Variants in IGSF21 observed in about 807,000 individuals in gnomAD.
IGSF21 encodes the protein immunoglobulin superfamily member 21.
In IGSF21, 28 loss-of-function variants were observed where a neutral mutation model predicts 46.8. The observed-to-expected ratio is 0.60, with a 90% CI of 0.44 to 0.82. The LOEUF (loss-of-function observed/expected upper bound fraction) is 0.82. Among genes scored for constraint, IGSF21 ranks in the 40% least tolerant of loss-of-function variants. IGSF21 has a pLI of 0.00. For synonymous variants in IGSF21, 284 were observed against 273.6 expected (o/e 1.04, Z -0.38); for missense variants, 624 against 665.5 (o/e 0.94, Z 0.69).
intron 2 of IGSF21, among the ~76,000 whole-genome samples, chr1:18,265,586 T>TC (rs574154917): frequency 6.6e-6 from 1 of 152,150 alleles, no homozygotes; most frequent in Non-Finnish European, 1.5e-5. Context: ...TTAGTCTCCA[T>TC]CCTATCACGC....
At chr1:18,151,603 G>T (rs1345623615) in intron 1 of IGSF21, among the ~76,000 whole-genome samples, 5 of 152,162 alleles carry the variant, frequency 3.3e-5, no homozygotes, top group Non-Finnish European at 7.3e-5. Flanking sequence ...ACAGGCGGGG[G>T]AGAGGAGTGA....
intron 1 of IGSF21, among the ~76,000 whole-genome samples, chr1:18,211,681 G>A (rs1274859022): frequency 1.3e-5 from 2 of 152,084 alleles, no homozygotes; most frequent in Admixed American, 6.5e-5. Flanking sequence ...TCATTAAGTT[G>A]CCTCTTTTCA....
intron 1 of IGSF21, among the ~76,000 whole-genome samples, chr1:18,174,115 G>T (rs1457533525): frequency 6.6e-6 from 1 of 152,170 alleles, no homozygotes; most frequent in Admixed American, 6.5e-5. Flanking sequence ...AACCTCATGT[G>T]TTCTGTGGCT....
At chr1:18,117,258 G>T (rs1193291008) in intron 1 of IGSF21, among the ~76,000 whole-genome samples, 1 of 152,220 alleles carries the variant, frequency 6.6e-6, no homozygotes, top group African/African-American at 2.4e-5. Context: ...CTGACCCAGT[G>T]AGGAGGGAAA....
intron 4 of IGSF21, among the ~76,000 whole-genome samples, chr1:18,338,157 T>G (rs2085791361): frequency 6.6e-6 from 1 of 152,154 alleles, no homozygotes; most frequent in Admixed American, 6.5e-5. Context: ...AACAGAATGT[T>G]CTGGGCCTGA....
intron 1 of IGSF21, among the ~76,000 whole-genome samples, chr1:18,152,342 C>G (rs1322369972): frequency 6.6e-6 from 1 of 152,200 alleles, no homozygotes; most frequent in Admixed American, 6.5e-5. Flanking sequence ...TCATCGTGCC[C>G]TGCCCTGGAG....
chr1:18,223,854 G>A (rs2084535843), intron 1 of IGSF21, among the ~76,000 whole-genome samples: 1 of 152,160 alleles, frequency 6.6e-6, no homozygotes, highest in South Asian at 2.1e-4. Context: ...ACCTGTCTCT[G>A]CAGCCTGGAA....
At chr1:18,229,318 G>A (rs1310576952) in intron 2 of IGSF21, among the ~76,000 whole-genome samples, 2 of 152,190 alleles carry the variant, frequency 1.3e-5, no homozygotes, top group Non-Finnish European at 2.9e-5. Flanking sequence ...TCTACACACA[G>A]AGCATGGAAA....
At chr1:18,362,980 A>G (rs761163695) in intron 5 of IGSF21, among the ~76,000 whole-genome samples, 21 of 152,080 alleles carry the variant, frequency 1.4e-4, no homozygotes, top group Non-Finnish European at 2.6e-4. Context: ...GGGGCTGGAC[A>G]ATATTTGTTT....
intron 1 of IGSF21, among the ~76,000 whole-genome samples, chr1:18,133,397 A>T (rs917083389): frequency 6.6e-6 from 1 of 152,196 alleles, no homozygotes; most frequent in African/African-American, 2.4e-5. Flanking sequence ...ACTCGGCTTC[A>T]CTACACAGCC....
At chr1:18,301,679 C>T (rs1022198549) in intron 3 of IGSF21, among the ~76,000 whole-genome samples, 4 of 152,220 alleles carry the variant, frequency 2.6e-5, no homozygotes, top group African/African-American at 9.6e-5. Flanking sequence ...TGCCAGGTCA[C>T]TTAGTAGGGG....
intron 1 of IGSF21, among the ~76,000 whole-genome samples, chr1:18,203,702 T>C (rs1167510880): frequency 1.3e-5 from 2 of 152,074 alleles, no homozygotes; most frequent in Admixed American, 1.3e-4. Flanking sequence ...AGCAGCAGAG[T>C]CTGCTATGAA....
In IGSF21 at chr1:18,334,776, A is replaced by AG. The variant is rs2085749191; in HGVS notation, c.306-114dup. On this transcript the variant is annotated intron_variant, in intron 3 of 9. Coordinates refer to ENST00000251296, the MANE Select transcript of IGSF21 (RefSeq NM_032880.5). This position sits in a 1 kb window ranked among gnomAD's most constrained non-coding sequence, Gnocchi z 4.3. The stretch of plus-strand genomic sequence containing the variant: ...CTCCCCTCCTCCCAGCCCAGCACAC[A>AG]GGCCTGTGTTTGTTAGTGGAGGCTG... 3 of 747,134 alleles carry AG rather than the reference A, an allele frequency of 4.0e-6. No homozygotes were observed. The highest frequency in any genetic ancestry group is 7.2e-6 in the Non-Finnish European group (3 of 418,026). 46.3% of individuals were successfully genotyped at this position (747,134 alleles called of 1,614,324 possible).
chr1:18,273,039 C>CTTTTTTTTTTTTTTTTT lies in IGSF21; in HGVS notation c.184-18818_184-18802dup, dbSNP rs760448516. On this transcript the variant is annotated intron_variant, in intron 2 of 9. Coordinates refer to ENST00000251296, the MANE Select transcript of IGSF21 (RefSeq NM_032880.5). ...CTTCTCCACTAGCAGCCAGACGGATCTTTTTTTTTTTTTTTTTTTTTTTTT... is the reference window on the plus strand; with the variant it reads ...CTTCTCCACTAGCAGCCAGACGGATCTTTTTTTTTTTTTTTTTTTTTTTTTTTTTTTTTTTTTTTTTT... Among the ~76,000 whole-genome samples, 25 of 80,722 alleles carry CTTTTTTTTTTTTTTTTT rather than the reference C, an allele frequency of 3.1e-4. 2 individuals carry two copies. The highest frequency in any genetic ancestry group is 5.3e-4 in the African/African-American group (10 of 18,704). 53.0% of individuals were successfully genotyped at this position (80,722 alleles called of 152,430 possible).
At chr1:18,310,560 T>C (rs2124584399) in intron 3 of IGSF21, among the ~76,000 whole-genome samples, 1 of 152,368 alleles carries the variant, frequency 6.6e-6, no homozygotes, top group Middle Eastern at 3.4e-3. Context: ...CTGCTTTGAA[T>C]GTAAGCATTC....
At chr1:18,154,788 T>TCTTTCCCTCC (rs1272704448) in intron 1 of IGSF21, among the ~76,000 whole-genome samples, 3 of 152,144 alleles carry the variant, frequency 2.0e-5, no homozygotes, top group East Asian at 3.9e-4. Flanking sequence ...TCCCTTTCCC[T>TCTTTCCCTCC]CTTTCCCTCC....
chr1:18,359,382 GA>G (rs1557659624), intron 4 of IGSF21, among the ~76,000 whole-genome samples: 178 of 95,872 alleles, frequency 1.9e-3, no homozygotes, highest in African/African-American at 6.1e-3. Context: ...AAGAAAGAAA[GA>G]AAGGAAGGAA....
intron 1 of IGSF21, among the ~76,000 whole-genome samples, chr1:18,208,548 ATTTTTTTTT>A (rs10601446): frequency 3.5e-5 from 3 of 85,852 alleles, no homozygotes; most frequent in South Asian, 4.5e-4. Flanking sequence ...AGCCCAGCTA[ATTTTTTTTT>A]TTTTTTTTTT....
At chr1:18,293,293 G>A (rs2085284654) in intron 3 of IGSF21, among the ~76,000 whole-genome samples, 1 of 152,202 alleles carries the variant, frequency 6.6e-6, no homozygotes, top group Admixed American at 6.5e-5. Context: ...AGCCCTTCAG[G>A]CCTGTTTTCT....
Sources: gnomAD v4.1 joint callset for allele counts (sites outside exome capture counted in the v4.1 genomes callset) on GRCh38, gnomAD v4.1.1 for gene constraint, Gnocchi (gnomAD v3.1) non-coding constraint, MANE v1.5 for transcripts, NCBI Gene and HGNC (gene_info 2026-07-23, HGNC 2026-07-21) for gene names.